The following CEP41 variants were observed in gnomAD, a reference collection of about 807,000 sequenced individuals.
The protein encoded by CEP41 is centrosomal protein 41.
In CEP41, 32 loss-of-function variants were observed where a neutral mutation model predicts 44.3. The ratio of observed to expected loss-of-function variants is 0.72; its 90% CI spans 0.54 to 0.97. The LOEUF is 0.97. CEP41 is among the 50% of genes least tolerant of loss of function. The pLI is 0.00. For synonymous variants in CEP41, 151 were observed against 168.5 expected, an observed-to-expected ratio of 0.90 and a Z score of 0.80; for missense variants, 432 against 455.2, an observed-to-expected ratio of 0.95 and a Z score of 0.46.
chr7:130,431,790 G>A (rs1009614884), intron 1 of CEP41, among the ~76,000 whole-genome samples: 5 of 152,144 alleles, frequency 3.3e-5, no homozygotes, highest in African/African-American at 1.2e-4. Flanking sequence ...GGGGACAAAC[G>A]ATGCTGGAGA....
At chr7:130,430,249 A>T (rs1704262606) in intron 1 of CEP41, among the ~76,000 whole-genome samples, 1 of 152,198 alleles carries the variant, frequency 6.6e-6, no homozygotes, top group African/African-American at 2.4e-5. Flanking sequence ...CAAAAGCCTC[A>T]CAACAACTAT....
intron 1 of CEP41, among the ~76,000 whole-genome samples, chr7:130,439,088 C>A (rs1563001198): frequency 6.6e-6 from 1 of 152,142 alleles, no homozygotes; most frequent in Admixed American, 6.5e-5. Context: ...CTCTGTCACC[C>A]CTAAGGCAGC....
At chr7:130,399,846 G>T in intron 10 of CEP41, 193 bp downstream of exon 10, 6 of 548,974 alleles carry the variant, frequency 1.1e-5, no homozygotes, top group South Asian at 2.0e-5. Flanking sequence ...GCTATGTTTT[G>T]ATAAAGTCTC....
At chr7:130,423,107 T>A (rs1554422628) in intron 2 of CEP41, among the ~76,000 whole-genome samples, 2 of 152,108 alleles carry the variant, frequency 1.3e-5, no homozygotes, top group Non-Finnish European at 2.9e-5. Flanking sequence ...CTGCCATGCC[T>A]GGCTAATTTT....
intron 6 of CEP41, 33 bp from the exon 7 acceptor site, chr7:130,402,832 G>C (rs1554417336): frequency 1.2e-6 from 2 of 1,613,446 alleles, no homozygotes; most frequent in South Asian, 1.1e-5. Flanking sequence ...GCAGAAACTA[G>C]TCAGAGGTTG....
chr7:130,416,881 G>C, intron 3 of CEP41, 38 bp downstream of exon 3: 1 of 1,461,992 alleles, frequency 6.8e-7, no homozygotes, highest in Non-Finnish European at 9.6e-7. Flanking sequence ...AACAACTATA[G>C]ACTTCCACTC....
rs118188179 is a variant in CEP41 at position 130,416,642 on chromosome 7, G to C, written c.145+277C>G. Among the ~76,000 whole-genome samples the C allele has an allele frequency of 7.7e-4, 118 of 152,338 alleles. 1 individual carries two copies. The East Asian group carries it at 0.022, about 29-fold the overall frequency. Reference sequence around the variant, plus strand: ...CAGTACAATGACACTAGAAGCTTAAGCAGAGCTCATTCCACCAGATCTGAC... The same window carrying C: ...CAGTACAATGACACTAGAAGCTTAACCAGAGCTCATTCCACCAGATCTGAC... On this transcript the variant is annotated intron_variant, in intron 3 of 10. Coordinates refer to ENST00000223208, the MANE Select transcript of CEP41 (RefSeq NM_018718.3).
intron 2 of CEP41, chr7:130,419,288 G>C (rs912584166): frequency 8.3e-5 from 82 of 985,270 alleles, no homozygotes; most frequent in Non-Finnish European, 9.8e-5. Flanking sequence ...GGAGAATGGA[G>C]GATTTCTTCC....
At chr7:130,438,810 A>T (rs1798052894) in intron 1 of CEP41, among the ~76,000 whole-genome samples, 1 of 152,214 alleles carries the variant, frequency 6.6e-6, no homozygotes, top group Non-Finnish European at 1.5e-5. Context: ...TAACATTTTT[A>T]TTAATATTTT....
intron 4 of CEP41, 25 bp downstream of exon 4, chr7:130,412,154 C>A: frequency 7.7e-7 from 1 of 1,304,520 alleles, no homozygotes; most frequent in Non-Finnish European, 1.1e-6. Context: ...AGACTTTACT[C>A]CAGTGGAAAA....
chr7:130,427,424 CT>C lies in CEP41; in HGVS notation c.97+530del, dbSNP rs375048456. 9.0e-3 allele frequency among the ~76,000 whole-genome samples: 1,368 copies of C among 152,278 alleles called. 12 individuals are homozygous for C. The highest frequency in any genetic ancestry group is 0.02 in the Middle Eastern group (6 of 294). On this transcript the variant is annotated intron_variant, in intron 2 of 10. Coordinates refer to ENST00000223208, the MANE Select transcript of CEP41 (RefSeq NM_018718.3). ...CACTGCAGCACTAATTAAATTCTGACTGGTATTTCAGTTACTCATTCAAGTC... is the reference window on the plus strand; with the variant it reads ...CACTGCAGCACTAATTAAATTCTGACGGTATTTCAGTTACTCATTCAAGTC...
chr7:130,441,633 C>A (rs782553060), upstream of CEP41, among the ~76,000 whole-genome samples: 37 of 152,240 alleles, frequency 2.4e-4, no homozygotes, highest in Non-Finnish European at 5.1e-4. Flanking sequence ...GTTCATCGTT[C>A]ATTTAACAAA....
chr7:130,410,900 C>A, intron 5 of CEP41: 1 of 604,796 alleles, frequency 1.7e-6, no homozygotes. Context: ...ACATCTAAAA[C>A]ATTTAAAACT....
At chr7:130,399,281 C>T in intron 10 of CEP41, 1 of 545,726 alleles carries the variant, frequency 1.8e-6, no homozygotes, top group Non-Finnish European at 3.3e-6. Flanking sequence ...TCCTCTCCAA[C>T]ATCCCCAACA....
chr7:130,419,953 A>G, intron 2 of CEP41: 1 of 467,488 alleles, frequency 2.1e-6, no homozygotes, highest in Non-Finnish European at 2.8e-6. Flanking sequence ...GGGCACGTAC[A>G]CACACACACA....
Position 130,419,299 on chromosome 7 carries a change from T to A in CEP41, c.98-2333A>T. On this transcript the variant is annotated intron_variant, in intron 2 of 10. Coordinates refer to ENST00000223208, the MANE Select transcript of CEP41 (RefSeq NM_018718.3). Reference sequence around the variant, plus strand: ...AAAAGGAGAATGGAGGATTTCTTCCTTGCTTTAATTGGACAAATGAGATAG... The same window carrying A: ...AAAAGGAGAATGGAGGATTTCTTCCATGCTTTAATTGGACAAATGAGATAG... 4 of 985,478 alleles carry A rather than the reference T, an allele frequency of 4.1e-6. No homozygotes were observed. In the South Asian group the frequency reaches 1.4e-4, roughly 35 times the overall value. 61.0% of individuals were successfully genotyped at this position (985,478 alleles called of 1,614,324 possible). A position where few individuals can be genotyped will look rare whatever the true frequency, so the allele number is the denominator to read the frequency against.
intron 10 of CEP41, 25 bp from the exon 11 acceptor site, chr7:130,399,064 C>A: frequency 1.2e-6 from 2 of 1,612,838 alleles, no homozygotes; most frequent in Admixed American, 1.7e-5. Context: ...AAAGAAGGAA[C>A]AGAGCTGCAA....
At chr7:130,423,707 C>T (rs1797576517) in intron 2 of CEP41, among the ~76,000 whole-genome samples, 1 of 152,206 alleles carries the variant, frequency 6.6e-6, no homozygotes, top group Non-Finnish European at 1.5e-5. Context: ...GTGTAAACAA[C>T]CCGAATGTCC....
chr7:130,441,340 TA>T (rs545327163), upstream of CEP41: 285 of 415,990 alleles, frequency 6.9e-4, 1 homozygote, highest in African/African-American at 5.5e-3. Context: ...GAGTTTTAGC[TA>T]ATGTGGAACC....
Sources: allele counts gnomAD v4.1 joint callset (sites outside exome capture counted in the v4.1 genomes callset), GRCh38; gene constraint gnomAD v4.1.1; transcripts MANE v1.5; gene names NCBI Gene and HGNC (gene_info 2026-07-23, HGNC 2026-07-21).